The following YAF2 variants were observed in gnomAD, a reference collection of about 807,000 sequenced individuals.
YAF2 encodes the protein YY1-associated factor 2.
A neutral mutation model predicts 20.1 loss-of-function variants in YAF2; 7 were observed. The observed-to-expected ratio is 0.35, with a 90% CI of 0.20 to 0.65. YAF2 has a LOEUF of 0.65. Ranked by LOEUF, YAF2 falls within the 30% of genes least tolerant of loss-of-function variation. The pLI is 0.69. For missense variants in YAF2, 151 were observed against 219.2 expected, an observed-to-expected ratio of 0.69 and a Z score of 1.96; for synonymous variants, 74 against 76.0, an observed-to-expected ratio of 0.97 and a Z score of 0.14.
At chr12:42,220,517 G>C (rs1428231029) in intron 2 of YAF2, among the ~76,000 whole-genome samples, 1 of 152,146 alleles carries the variant, frequency 6.6e-6, no homozygotes, top group Non-Finnish European at 1.5e-5. Context: ...TTAGTGAAGA[G>C]ACTTTGGGCT....
chr12:42,234,732 A>T (rs1050466276), intron 2 of YAF2: 2 of 983,552 alleles, frequency 2.0e-6, no homozygotes, highest in African/African-American at 3.5e-5. Flanking sequence ...TCATTCCTAT[A>T]ATCCCAGTTC....
intron 2 of YAF2, among the ~76,000 whole-genome samples, chr12:42,175,444 T>A (rs952273934): frequency 6.6e-6 from 1 of 151,982 alleles, no homozygotes; most frequent in Non-Finnish European, 1.5e-5. Context: ...GCTCTCTTGA[T>A]TGTGGTGATA....
At chr12:42,236,641 T>A (rs1331235371) in intron 2 of YAF2, among the ~76,000 whole-genome samples, 2 of 152,214 alleles carry the variant, frequency 1.3e-5, no homozygotes, top group Non-Finnish European at 2.9e-5. Flanking sequence ...ATGTCAATAT[T>A]ACATGTGCCT....
chr12:42,237,628 C>T lies in YAF2; in HGVS notation c.123G>A (p.Met41Ile). ...RNSAEAFKCM[M>I]CDVRKGTSTR... is the part of the protein sequence containing the mutation. ...TGGAGGTGCCCTTCCGCACATCGCA[C>T]ATCATGCACTTGAAGGCCTCGGCGC... The change falls in exon 2 of 4, where the codon ATG becomes ATA. Residue 41 changes from methionine (M) to isoleucine (I), a missense_variant. Coordinates refer to ENST00000534854, the MANE Select transcript of YAF2 (RefSeq NM_005748.6). 1.3e-6 allele frequency: 2 copies of T among 1,559,568 alleles called. No individual in the cohort carries two copies. Among genetic ancestry groups the T allele is most frequent in the Non-Finnish European group, 8.7e-7 (1 of 1,153,498 alleles).
chr12:42,235,645 G>T, intron 2 of YAF2: 1 of 1,512,966 alleles, frequency 6.6e-7, no homozygotes, highest in Non-Finnish European at 8.8e-7. Flanking sequence ...TAGATTTCTG[G>T]TGAGTTGCCC....
chr12:42,201,980 A>C (rs1164676214), intron 2 of YAF2, among the ~76,000 whole-genome samples: 2 of 152,218 alleles, frequency 1.3e-5, no homozygotes, highest in Non-Finnish European at 2.9e-5. Context: ...CTTGTTAAAG[A>C]TCTTCCATAT....
At chr12:42,193,327 A>C (rs1275274283) in intron 2 of YAF2, among the ~76,000 whole-genome samples, 1 of 152,130 alleles carries the variant, frequency 6.6e-6, no homozygotes, top group African/African-American at 2.4e-5. Context: ...TCAAAAAAAA[A>C]AAAAAAATAG....
intron 2 of YAF2, among the ~76,000 whole-genome samples, chr12:42,200,906 C>A (rs1201581266): frequency 1.3e-5 from 2 of 152,144 alleles, no homozygotes; most frequent in Admixed American, 1.3e-4. Flanking sequence ...ATTTACCCCT[C>A]TATATTTCAG....
chr12:42,188,459 C>T (rs1019311040), intron 2 of YAF2, among the ~76,000 whole-genome samples: 4 of 148,024 alleles, frequency 2.7e-5, no homozygotes, highest in Non-Finnish European at 5.9e-5. Context: ...AATCTTGGCT[C>T]ACTGCAAACT....
At chr12:42,216,407 C>T (rs897835189) in intron 2 of YAF2, among the ~76,000 whole-genome samples, 1 of 151,958 alleles carries the variant, frequency 6.6e-6, no homozygotes. Context: ...CTAAACACAC[C>T]CCCCTCTTTT....
chr12:42,210,323 A>G (rs945705095), intron 2 of YAF2: 3 of 1,442,000 alleles, frequency 2.1e-6, no homozygotes, highest in Non-Finnish European at 2.8e-6. Flanking sequence ...GGGGAAAAAA[A>G]ATCTCAGGTT....
intron 2 of YAF2, among the ~76,000 whole-genome samples, chr12:42,166,829 TAA>T (rs377527943): frequency 4.5e-4 from 62 of 137,724 alleles, no homozygotes; most frequent in East Asian, 2.1e-3. Context: ...CAATGAAAGT[TAA>T]AAAAAAAAAA....
At chr12:42,220,252 T>C (rs556496573) in intron 2 of YAF2, among the ~76,000 whole-genome samples, 1 of 152,232 alleles carries the variant, frequency 6.6e-6, no homozygotes, top group Non-Finnish European at 1.5e-5. Flanking sequence ...AAATAATCAT[T>C]ACTATCTTCC....
chr12:42,204,951 T>C (rs1275538537), intron 2 of YAF2, among the ~76,000 whole-genome samples: 4 of 152,042 alleles, frequency 2.6e-5, no homozygotes, highest in Admixed American at 6.6e-5. Context: ...AAAATGACTA[T>C]AGTAATTCTT....
intron 2 of YAF2, among the ~76,000 whole-genome samples, chr12:42,181,961 G>A (rs1319733181): frequency 6.6e-6 from 1 of 152,036 alleles, no homozygotes; most frequent in Non-Finnish European, 1.5e-5. Flanking sequence ...GCTTCTAGTG[G>A]CCAGTGTTAC....
At chr12:42,218,660 A>C (rs77682585) in intron 2 of YAF2, among the ~76,000 whole-genome samples, 1,599 of 152,210 alleles carry the variant, frequency 0.011, 29 homozygotes, top group African/African-American at 0.037. Context: ...GCATTCGGGA[A>C]CCTATCTTTT....
intron 2 of YAF2, among the ~76,000 whole-genome samples, chr12:42,172,661 CAT>C (rs1491540838): frequency 1.3e-5 from 2 of 152,208 alleles, no homozygotes; most frequent in Non-Finnish European, 2.9e-5. Flanking sequence ...GAAATGAAAA[CAT>C]ATGTTCACAC....
At chr12:42,226,228 T>A (rs540471697) in intron 2 of YAF2, among the ~76,000 whole-genome samples, 16 of 152,322 alleles carry the variant, frequency 1.1e-4, no homozygotes, top group African/African-American at 3.8e-4. Flanking sequence ...TTTTTAGCTA[T>A]ATTATATCAT....
intron 2 of YAF2, chr12:42,235,267 C>G: frequency 1.0e-6 from 1 of 997,790 alleles, no homozygotes; most frequent in Non-Finnish European, 1.2e-6. Flanking sequence ...TGGAAATTAC[C>G]CTGTTCATTA....
Sources: gnomAD v4.1 joint callset for allele counts (sites outside exome capture counted in the v4.1 genomes callset) on GRCh38, gnomAD v4.1.1 for gene constraint, MANE v1.5 for transcripts, NCBI Gene and HGNC (gene_info 2026-07-23, HGNC 2026-07-21) for gene names.